Variants in CSMD1 observed in about 807,000 individuals in gnomAD.
CSMD1 encodes the protein CUB and Sushi multiple domains 1, also known as CUB and sushi domain-containing protein 1.
CSMD1 carries 213 observed loss-of-function variants against 417.5 expected under a neutral mutation model. The observed-to-expected ratio is 0.51, with a 90% CI of 0.46 to 0.57. The LOEUF is 0.57. Ranked by LOEUF, CSMD1 falls within the 20% of genes least tolerant of loss-of-function variation. The probability of loss-of-function intolerance (pLI) is 0.00; values close to 1 mark genes in which losing one functional copy is unlikely to be tolerated. For missense variants in CSMD1, 6,923 were observed against 4,529.7 expected (o/e 1.53, Z -15.17); for synonymous variants, 2,862 against 1,736.8 (o/e 1.65, Z -16.11).
At chr8:3,278,558 A>C (rs1006970320) in intron 26 of CSMD1, 2 of 152,356 alleles carry the variant, frequency 1.3e-5, no homozygotes, top group South Asian at 4.1e-4. Flanking sequence ...TCTATTTAAA[A>C]ATTTTTAAAA....
rs202012456 is a variant in CSMD1, at chr8:4,607,091, AC to A, written c.302+30250del. Among the ~76,000 whole-genome samples, 661 of 152,214 alleles carry A rather than the reference AC, an allele frequency of 4.3e-3. 7 individuals carry two copies. In the Middle Eastern group the frequency reaches 0.062, roughly 14 times the overall value. On this transcript the variant is annotated intron_variant, in intron 2 of 69. Transcript: ENST00000635120. ...TATTCATTCATATGTTTATTCATTTACTCAAGTAATATTTATTGTGTTTGGA... is the reference window on the plus strand; with the variant it reads ...TATTCATTCATATGTTTATTCATTTATCAAGTAATATTTATTGTGTTTGGA...
intron 1 of CSMD1, among the ~76,000 whole-genome samples, chr8:4,766,948 C>G (rs1478911178): frequency 2.0e-5 from 3 of 152,064 alleles, no homozygotes; most frequent in Admixed American, 1.3e-4. Context: ...GACACTTTGA[C>G]TGAGTTAAGA....
rs138387506 is a variant in CSMD1, at chr8:4,713,859, G to A, written c.86-76301C>T. Among the ~76,000 whole-genome samples the A allele has an allele frequency of 5.9e-3, 898 of 152,218 alleles. 3 individuals are homozygous for A. Among genetic ancestry groups the A allele is most frequent in the Middle Eastern group, 0.02 (6 of 294 alleles). ...TTAATTTTCCTATCTTTTGAAGATG[G>A]GCAGAAGCCAAAAGTGGAGGTGGAG... On this transcript the variant is annotated intron_variant, in intron 1 of 69. Coordinates refer to ENST00000635120, the MANE Select transcript of CSMD1 (RefSeq NM_033225.6).
chr8:3,256,263 G>C (rs1800644292), intron 26 of CSMD1, among the ~76,000 whole-genome samples: 1 of 146,164 alleles, frequency 6.8e-6, no homozygotes, highest in Non-Finnish European at 1.5e-5. Context: ...GGAGGCAGAG[G>C]TTTCAGTGGG....
intron 5 of CSMD1, among the ~76,000 whole-genome samples, chr8:3,773,900 A>T (rs1798755347): frequency 6.6e-6 from 1 of 152,178 alleles, no homozygotes; most frequent in Non-Finnish European, 1.5e-5. Flanking sequence ...ACCAATAAAC[A>T]AACTGGGGAC....
At chr8:3,537,717 C>T (rs1798263050) in intron 10 of CSMD1, among the ~76,000 whole-genome samples, 1 of 152,158 alleles carries the variant, frequency 6.6e-6, no homozygotes, top group African/African-American at 2.4e-5. Flanking sequence ...TCACTTCATA[C>T]ATTATCAAGA....
intron 5 of CSMD1, among the ~76,000 whole-genome samples, chr8:3,962,440 G>T (rs900868093): frequency 6.6e-6 from 1 of 152,192 alleles, no homozygotes; most frequent in Non-Finnish European, 1.5e-5. Flanking sequence ...TCAGCTGGGT[G>T]ATGTGAGAGG....
chr8:3,934,779 A>C (rs1045521954), intron 5 of CSMD1, among the ~76,000 whole-genome samples: 6 of 152,140 alleles, frequency 3.9e-5, no homozygotes, highest in Non-Finnish European at 4.4e-5. Flanking sequence ...CCTGGGAAGC[A>C]GAGGTTACAG....
At chr8:4,836,590 G>C (rs949351999) in intron 1 of CSMD1, among the ~76,000 whole-genome samples, 3 of 152,160 alleles carry the variant, frequency 2.0e-5, no homozygotes, top group South Asian at 2.1e-4. Context: ...GTTTTGATTA[G>C]TATGCAGTAC....
chr8:3,155,509 A>G (rs1020496245), intron 39 of CSMD1, among the ~76,000 whole-genome samples: 8 of 151,324 alleles, frequency 5.3e-5, no homozygotes, highest in Non-Finnish European at 1.2e-4. Context: ...CTGAGACTAC[A>G]GATGGTCGCC....
intron 3 of CSMD1, among the ~76,000 whole-genome samples, chr8:4,296,433 G>C (rs1054005650): frequency 6.6e-6 from 1 of 152,098 alleles, no homozygotes; most frequent in Non-Finnish European, 1.5e-5. Flanking sequence ...GTGTGAGATA[G>C]CATGGCATTT....
chr8:4,163,116 A>C (rs1048603701), intron 3 of CSMD1, among the ~76,000 whole-genome samples: 1 of 152,198 alleles, frequency 6.6e-6, no homozygotes, highest in African/African-American at 2.4e-5. Flanking sequence ...ATACACCACA[A>C]GTTTATCATT....
chr8:4,790,244 G>T (rs765469011), intron 1 of CSMD1, among the ~76,000 whole-genome samples: 2 of 152,008 alleles, frequency 1.3e-5, no homozygotes, highest in Non-Finnish European at 2.9e-5. Flanking sequence ...GCCATAAAAA[G>T]AATAAAATAA....
intron 3 of CSMD1, among the ~76,000 whole-genome samples, chr8:4,101,546 T>C (rs569513591): frequency 6.6e-6 from 1 of 152,346 alleles, no homozygotes; most frequent in South Asian, 2.1e-4. Context: ...TAAAAAATTA[T>C]GGATGTGTAG....
chr8:4,404,171 T>A (rs1467262757), intron 3 of CSMD1, among the ~76,000 whole-genome samples: 1 of 152,214 alleles, frequency 6.6e-6, no homozygotes, highest in African/African-American at 2.4e-5. Context: ...ACACTCTATT[T>A]AATATTGAAA....
intron 3 of CSMD1, among the ~76,000 whole-genome samples, chr8:4,091,484 G>T (rs1036521139): frequency 6.6e-6 from 1 of 152,180 alleles, no homozygotes; most frequent in African/African-American, 2.4e-5. Flanking sequence ...ATTTTTAAAA[G>T]TATTTACTTA....
intron 3 of CSMD1, among the ~76,000 whole-genome samples, chr8:4,106,562 A>G (rs1190927692): frequency 3.9e-5 from 6 of 152,212 alleles, no homozygotes; most frequent in African/African-American, 7.2e-5. Flanking sequence ...TTAAAAAACT[A>G]AAAATGTGAG....
At chr8:4,795,251 G>C (rs58250368) in intron 1 of CSMD1, among the ~76,000 whole-genome samples, 11,589 of 85,222 alleles carry the variant, frequency 0.14, 828 homozygotes, top group African/African-American at 0.27. Flanking sequence ...TGGTGTCATA[G>C]CTTTTTTTTT....
intron 10 of CSMD1, among the ~76,000 whole-genome samples, chr8:3,535,491 T>A (rs773736542): frequency 9.2e-5 from 14 of 152,110 alleles, no homozygotes; most frequent in Non-Finnish European, 1.6e-4. Context: ...GGGAGCTAAA[T>A]ATGTATGCAC....
Sources: gnomAD v4.1 joint callset for allele counts (sites outside exome capture counted in the v4.1 genomes callset) on GRCh38, gnomAD v4.1.1 for gene constraint, MANE v1.5 for transcripts, NCBI Gene and HGNC (gene_info 2026-07-23, HGNC 2026-07-21) for gene names.